ASTN2: variants seen among roughly 807,000 people sequenced by gnomAD.
The protein encoded by ASTN2 is astrotactin 2, also known as astrotactin-2.
A neutral mutation model predicts 139.8 loss-of-function variants in ASTN2; 54 were observed. The observed-to-expected ratio is 0.39, with a 90% CI of 0.31 to 0.48. The LOEUF (loss-of-function observed/expected upper bound fraction) is 0.48, where lower values mean the gene tolerates loss of function less well. Ranked by LOEUF, ASTN2 falls within the 20% of genes least tolerant of loss-of-function variation. ASTN2 has a pLI of 0.95. For missense variants in ASTN2, 1,565 were observed against 1,725.1 expected, an observed-to-expected ratio of 0.91 and a Z score of 1.64; for synonymous variants, 756 against 719.5, an observed-to-expected ratio of 1.05 and a Z score of -0.81.
rs534497048 is a variant in ASTN2 at position 117,139,492 on chromosome 9, T to A, written c.1168+1834A>T. The stretch of plus-strand genomic sequence containing the variant: ...TGGTTTAAACCTGGGGTTTCCCATA[T>A]GAGTTCCAAAAACGAATTCCATCAT... On this transcript the variant is annotated intron_variant, in intron 4 of 22. Transcript: ENST00000313400. Among the ~76,000 whole-genome samples, 9 of 152,356 alleles carry A rather than the reference T, an allele frequency of 5.9e-5. No homozygotes were observed. The South Asian group carries it at 1.9e-3, about 32-fold the overall frequency.
intron 16 of ASTN2, among the ~76,000 whole-genome samples, chr9:116,669,569 C>T (rs765284573): frequency 4.6e-5 from 7 of 152,160 alleles, no homozygotes; most frequent in Non-Finnish European, 8.8e-5. Context: ...TGTCTATCTT[C>T]CTTGGTGACA....
At chr9:117,370,366 G>A (rs773639114) in intron 1 of ASTN2, among the ~76,000 whole-genome samples, 2 of 152,234 alleles carry the variant, frequency 1.3e-5, no homozygotes, top group Middle Eastern at 3.4e-3. Context: ...GCAATGCCTC[G>A]GTGAACACCA....
intron 13 of ASTN2, among the ~76,000 whole-genome samples, chr9:116,767,423 A>G (rs531509018): frequency 1.8e-4 from 27 of 152,308 alleles, no homozygotes; most frequent in African/African-American, 5.5e-4. Flanking sequence ...GCACTGTAAG[A>G]CACATTCCGC....
At chr9:117,338,616 A>T (rs944610951) in intron 1 of ASTN2, among the ~76,000 whole-genome samples, 4 of 152,268 alleles carry the variant, frequency 2.6e-5, no homozygotes, top group Non-Finnish European at 5.9e-5. Context: ...AAGACAAAAT[A>T]GGGGAAGGTG....
At position 116,537,173 on chromosome 9, in the gene ASTN2, T is replaced by A. The variant is rs1490519912; in HGVS notation, c.3356-49673A>T. 2.6e-5 allele frequency among the ~76,000 whole-genome samples: 4 copies of A among 152,204 alleles called. No individual in the cohort carries two copies. In the East Asian group the frequency reaches 7.7e-4, roughly 29 times the overall value. On this transcript the variant is annotated intron_variant, in intron 19 of 22. Transcript: ENST00000313400. ...TCCGAGCCACGTGCGGGATATAATC[T>A]CCTGGTGTGCCGTTTGCTCAGTTGG...
At chr9:116,954,271 C>A (rs866234697) in intron 10 of ASTN2, among the ~76,000 whole-genome samples, 1 of 152,138 alleles carries the variant, frequency 6.6e-6, no homozygotes, top group African/African-American at 2.4e-5. Context: ...TCTCTGACCT[C>A]GAAGTCAAAG....
At chr9:117,352,067 A>C (rs1829409459) in intron 1 of ASTN2, among the ~76,000 whole-genome samples, 1 of 152,186 alleles carries the variant, frequency 6.6e-6, no homozygotes, top group Non-Finnish European at 1.5e-5. Context: ...TTTGAGGAGG[A>C]AAACCTGGAC....
intron 19 of ASTN2, chr9:116,578,816 T>A (rs1252926091): frequency 6.6e-6 from 1 of 152,172 alleles, no homozygotes; most frequent in African/African-American, 2.4e-5. Flanking sequence ...AATACATTCT[T>A]GGATAAAGTT....
At chr9:116,977,537 C>T (rs911537310) in intron 7 of ASTN2, among the ~76,000 whole-genome samples, 2 of 152,042 alleles carry the variant, frequency 1.3e-5, no homozygotes, top group Non-Finnish European at 2.9e-5. Context: ...GCATTACACA[C>T]TGCCTTAAGT....
chr9:116,800,575 G>C (rs1564274081), intron 13 of ASTN2, among the ~76,000 whole-genome samples: 1 of 150,818 alleles, frequency 6.6e-6, no homozygotes. Context: ...TCCCCCTGTG[G>C]CACCTGGGTC....
At chr9:116,788,237 A>G (rs898294946) in intron 13 of ASTN2, among the ~76,000 whole-genome samples, 2 of 152,188 alleles carry the variant, frequency 1.3e-5, no homozygotes, top group Admixed American at 6.5e-5. Flanking sequence ...TCGATTAGAC[A>G]GGAGGAGCAA....
intron 3 of ASTN2, among the ~76,000 whole-genome samples, chr9:117,158,158 G>A (rs573274371): frequency 3.3e-5 from 5 of 152,150 alleles, no homozygotes; most frequent in Admixed American, 1.3e-4. Context: ...GTAATTATAC[G>A]TGTAGTCAGG....
At chr9:116,677,633 GATGGGCTGATTACAAA>G (rs1160972830) in intron 16 of ASTN2, among the ~76,000 whole-genome samples, 6 of 152,186 alleles carry the variant, frequency 3.9e-5, no homozygotes, top group Non-Finnish European at 1.5e-5. Flanking sequence ...TCCCAAGAGA[GATGGGCTGATTACAAA>G]ATGGGCTGAT....
intron 3 of ASTN2, among the ~76,000 whole-genome samples, chr9:117,153,645 A>G (rs1458071990): frequency 6.6e-6 from 1 of 152,152 alleles, no homozygotes; most frequent in Non-Finnish European, 1.5e-5. Flanking sequence ...CAGTGGGAAC[A>G]ATAAACATGA....
chr9:117,178,347 T>G (rs1830969503), intron 3 of ASTN2, among the ~76,000 whole-genome samples: 1 of 152,162 alleles, frequency 6.6e-6, no homozygotes, highest in South Asian at 2.1e-4. Context: ...TCAATGAGTG[T>G]CAGTGAACAG....
chr9:116,824,615 G>C (rs1831575599), intron 11 of ASTN2, among the ~76,000 whole-genome samples: 1 of 152,212 alleles, frequency 6.6e-6, no homozygotes, highest in Non-Finnish European at 1.5e-5. Context: ...GTAGAGGTAG[G>C]CCAGAACCAC....
At chr9:116,561,020 GT>G (rs34324834) in intron 19 of ASTN2, among the ~76,000 whole-genome samples, 26,383 of 152,076 alleles carry the variant, frequency 0.17, 2,625 homozygotes, top group African/African-American at 0.26. Flanking sequence ...TGAACTCTGG[GT>G]TAGTTTGTAA....
chr9:116,866,496 A>G (rs1833015659), intron 10 of ASTN2, among the ~76,000 whole-genome samples: 1 of 152,296 alleles, frequency 6.6e-6, no homozygotes, highest in Non-Finnish European at 1.5e-5. Flanking sequence ...CTCTGGGGAG[A>G]CTTGCCACTT....
chr9:116,439,703 A>G (rs527660038), intron 22 of ASTN2, among the ~76,000 whole-genome samples: 15 of 152,142 alleles, frequency 9.9e-5, no homozygotes, highest in Admixed American at 2.6e-4. Flanking sequence ...TTTCCCCCAC[A>G]ACCCTCACTT....
Sources: gnomAD v4.1 joint callset for allele counts (sites outside exome capture counted in the v4.1 genomes callset) on GRCh38, gnomAD v4.1.1 for gene constraint, MANE v1.5 for transcripts, NCBI Gene and HGNC (gene_info 2026-07-23, HGNC 2026-07-21) for gene names.